Variants in GRIA4 observed in about 807,000 individuals in gnomAD.
GRIA4 encodes the protein glutamate receptor 4.
Under a neutral mutation model 104.0 loss-of-function variants are expected in GRIA4, and 34 were observed. That is an observed-to-expected ratio of 0.33 (90% confidence interval 0.25 to 0.44). GRIA4 has a LOEUF of 0.44. Among genes scored for constraint, GRIA4 ranks in the 20% least tolerant of loss-of-function variants. The pLI is 1.00. For synonymous variants in GRIA4, 386 were observed against 381.9 expected (o/e 1.01, Z -0.13); for missense variants, 750 against 1,096.5 (o/e 0.68, Z 4.46).
chr11:105,900,805 G>C (rs1268497333), intron 7 of GRIA4, among the ~76,000 whole-genome samples: 1 of 152,112 alleles, frequency 6.6e-6, no homozygotes. Flanking sequence ...GGCCAGGCTG[G>C]TCTTGAGCTC....
chr11:105,761,303 T>G (rs577674527), intron 4 of GRIA4, among the ~76,000 whole-genome samples: 47 of 152,196 alleles, frequency 3.1e-4, no homozygotes, highest in Non-Finnish European at 6.6e-4. Flanking sequence ...TTTTGGCTCA[T>G]ATTTGTCAAA....
At chr11:105,623,904 G>T (rs531355528) in intron 3 of GRIA4, among the ~76,000 whole-genome samples, 7 of 151,984 alleles carry the variant, frequency 4.6e-5, no homozygotes, top group Non-Finnish European at 1.0e-4. Context: ...CTCTCACAAT[G>T]GTTGATGCAA....
chr11:105,749,057 G>A (rs746761035), intron 3 of GRIA4, among the ~76,000 whole-genome samples: 6 of 152,206 alleles, frequency 3.9e-5, no homozygotes, highest in African/African-American at 1.2e-4. Flanking sequence ...AAGGAGCAGA[G>A]TAAGAAGTGT....
chr11:105,880,304 A>G (rs1386263304), intron 5 of GRIA4, among the ~76,000 whole-genome samples: 1 of 152,228 alleles, frequency 6.6e-6, no homozygotes, highest in Non-Finnish European at 1.5e-5. Context: ...AGGCTTGTAG[A>G]TGTAGAATTT....
chr11:105,924,846 T>C, intron 12 of GRIA4, 77 bp downstream of exon 12: 1 of 1,124,762 alleles, frequency 8.9e-7, no homozygotes, highest in Non-Finnish European at 1.3e-6. Flanking sequence ...TCTCTACATG[T>C]TCTTTTCCTG....
chr11:105,667,615 G>A (rs1056488272), intron 3 of GRIA4, among the ~76,000 whole-genome samples: 3 of 151,724 alleles, frequency 2.0e-5, no homozygotes, highest in African/African-American at 4.8e-5. Context: ...CAACTATAAC[G>A]CTCAGAAAAA....
chr11:105,627,872 T>TA (rs1454523670), intron 3 of GRIA4, among the ~76,000 whole-genome samples: 1 of 152,182 alleles, frequency 6.6e-6, no homozygotes, highest in East Asian at 1.9e-4. Flanking sequence ...TACTACTGAT[T>TA]AAATATCAAG....
intron 3 of GRIA4, among the ~76,000 whole-genome samples, chr11:105,733,450 G>A (rs753105704): frequency 2.4e-4 from 36 of 151,922 alleles, no homozygotes; most frequent in African/African-American, 6.3e-4. Context: ...TTCCATAGAC[G>A]TCTATTCTTT....
At chr11:105,828,214 A>T (rs547125550) in intron 4 of GRIA4, among the ~76,000 whole-genome samples, 1 of 152,126 alleles carries the variant, frequency 6.6e-6, no homozygotes, top group South Asian at 2.1e-4. Context: ...ACAAAATTTA[A>T]TTTGTTTCTT....
At chr11:105,942,754 A>C (rs1948213905) in intron 14 of GRIA4, among the ~76,000 whole-genome samples, 1 of 152,150 alleles carries the variant, frequency 6.6e-6, no homozygotes, top group Non-Finnish European at 1.5e-5. Flanking sequence ...AAATATCCAC[A>C]TAGAGTTCAA....
intron 3 of GRIA4, among the ~76,000 whole-genome samples, chr11:105,669,673 A>C (rs997770358): frequency 5.9e-5 from 9 of 152,114 alleles, no homozygotes; most frequent in Admixed American, 3.9e-4. Flanking sequence ...GAGACTTTAC[A>C]CATATGTATA....
chr11:105,852,365 A>G (rs1191853833), intron 4 of GRIA4, among the ~76,000 whole-genome samples: 2 of 152,178 alleles, frequency 1.3e-5, no homozygotes, highest in African/African-American at 2.4e-5. Flanking sequence ...AATGAAGCTG[A>G]TTTTTATTTA....
chr11:105,684,587 TTATAA>T (rs1233206457), intron 3 of GRIA4, among the ~76,000 whole-genome samples: 8 of 147,368 alleles, frequency 5.4e-5, no homozygotes, highest in Non-Finnish European at 1.2e-4. Context: ...TGACTATATA[TTATAA>T]TATAAATATA....
intron 4 of GRIA4, among the ~76,000 whole-genome samples, chr11:105,757,507 T>C (rs1332472998): frequency 6.6e-6 from 1 of 152,088 alleles, no homozygotes; most frequent in East Asian, 1.9e-4. Context: ...GTTGACAGAA[T>C]GAAGAAATCC....
At chr11:105,714,269 A>G (rs951023278) in intron 3 of GRIA4, among the ~76,000 whole-genome samples, 1 of 150,862 alleles carries the variant, frequency 6.6e-6, no homozygotes, top group East Asian at 1.9e-4. Flanking sequence ...AAAAAAATCA[A>G]TATATATAAT....
intron 14 of GRIA4, among the ~76,000 whole-genome samples, chr11:105,961,293 T>C (rs7943336): frequency 0.2 from 30,719 of 152,214 alleles, 3,194 homozygotes; most frequent in South Asian, 0.24. Flanking sequence ...AATTATTTTA[T>C]ATGATTTAAA....
At chr11:105,642,036 G>T (rs953836639) in intron 3 of GRIA4, among the ~76,000 whole-genome samples, 11 of 152,036 alleles carry the variant, frequency 7.2e-5, no homozygotes, top group African/African-American at 2.7e-4. Context: ...TTCCCTCTCT[G>T]CATGTCTGTG....
chr11:105,681,857 C>T (rs1206700684), intron 3 of GRIA4, among the ~76,000 whole-genome samples: 1 of 152,042 alleles, frequency 6.6e-6, no homozygotes, highest in Non-Finnish European at 1.5e-5. Context: ...ACCTGGTCAA[C>T]ATGGTGAAAC....
intron 3 of GRIA4, among the ~76,000 whole-genome samples, chr11:105,623,256 A>G (rs1484971172): frequency 6.6e-6 from 1 of 151,710 alleles, no homozygotes; most frequent in Admixed American, 6.6e-5. Flanking sequence ...ATCAAAGGGT[A>G]GTACTATTTT....
Sources: gnomAD v4.1 joint callset for allele counts (sites outside exome capture counted in the v4.1 genomes callset) on GRCh38, gnomAD v4.1.1 for gene constraint, MANE v1.5 for transcripts, NCBI Gene and HGNC (gene_info 2026-07-23, HGNC 2026-07-21) for gene names.